Variants in NBEAL1 observed in about 807,000 individuals in gnomAD.
The protein encoded by NBEAL1 is neurobeachin like 1.
A neutral mutation model predicts 351.3 loss-of-function variants in NBEAL1; 273 were observed. The ratio of observed to expected loss-of-function variants is 0.78; its 90% CI spans 0.70 to 0.86. The LOEUF (loss-of-function observed/expected upper bound fraction) is 0.86, where lower values mean the gene tolerates loss of function less well. Ranked by LOEUF, NBEAL1 falls within the 40% of genes least tolerant of loss-of-function variation. The pLI, the probability that NBEAL1 is intolerant of heterozygous loss-of-function variation, is 0.00. For missense variants in NBEAL1, 2,961 were observed against 3,201.3 expected, an observed-to-expected ratio of 0.92 and a Z score of 1.81; for synonymous variants, 1,050 against 1,086.4, an observed-to-expected ratio of 0.97 and a Z score of 0.66.
At chr2:203,069,680 C>T (rs768275574) in intron 7 of NBEAL1, among the ~76,000 whole-genome samples, 16 of 152,116 alleles carry the variant, frequency 1.1e-4, no homozygotes, top group South Asian at 2.1e-4. Context: ...GAGAGAGATG[C>T]GGTCTCATTC....
intron 47 of NBEAL1, among the ~76,000 whole-genome samples, chr2:203,195,704 G>A (rs146203283): frequency 1.4e-3 from 218 of 152,320 alleles, no homozygotes; most frequent in Non-Finnish European, 2.4e-3. Context: ...ACCTCTCCTA[G>A]TGGAGTCACA....
At position 203,217,465 on chromosome 2, in the gene NBEAL1, C is replaced by G. The variant is rs2065909408; in HGVS notation, c.*111C>G. The G allele has an allele frequency of 3.8e-6, 5 of 1,330,780 alleles. No homozygotes were observed. Among genetic ancestry groups the G allele is most frequent in the Non-Finnish European group, 1.9e-6 (2 of 1,036,128 alleles). The allele number at this position is 1,330,780 out of a possible 1,614,324, so 82.4% of individuals were successfully genotyped here. On this transcript the variant is annotated 3_prime_UTR_variant, in exon 56 of 56. Coordinates refer to ENST00000683969, the MANE Select transcript of NBEAL1 (RefSeq NM_001378026.1). ...TTGCAAGGCTTTTATCCCTGAAAAT[C>G]ATTTACAGATAACCACAATTTGCTG... is the stretch of plus-strand genomic sequence containing the variant.
At chr2:203,128,967 T>G (rs1268754063) in intron 24 of NBEAL1, among the ~76,000 whole-genome samples, 3 of 152,176 alleles carry the variant, frequency 2.0e-5, no homozygotes, top group African/African-American at 7.2e-5. Flanking sequence ...GTGTGTCTAG[T>G]TTTACTTACA....
Position 203,084,583 on chromosome 2 carries a change from ATTG to A in NBEAL1, c.1098+22_1098+24del, listed in dbSNP as rs1454702695. 2 of 1,384,302 alleles carry A rather than the reference ATTG, an allele frequency of 1.4e-6. No homozygotes were observed. Among genetic ancestry groups the A allele is most frequent in the Non-Finnish European group, 9.7e-7 (1 of 1,028,454 alleles). 85.8% of individuals were successfully genotyped at this position (1,384,302 alleles called of 1,614,324 possible). ...CAGAACTGCAAGGTATTTTTCTATT[ATTG>A]TTGTTGTCTTTGATTTTAAGAAGCT... On this transcript the variant is annotated intron_variant, in intron 10 of 55. Coordinates refer to ENST00000683969, the MANE Select transcript of NBEAL1 (RefSeq NM_001378026.1).
intron 18 of NBEAL1, among the ~76,000 whole-genome samples, chr2:203,121,426 G>A (rs1438539518): frequency 1.3e-5 from 2 of 152,130 alleles, no homozygotes; most frequent in Non-Finnish European, 2.9e-5. Context: ...GCCGAGGTGG[G>A]TGGATCCCTT....
intron 2 of NBEAL1, among the ~76,000 whole-genome samples, chr2:203,020,484 A>G (rs1033285714): frequency 2.0e-5 from 3 of 152,136 alleles, no homozygotes; most frequent in Non-Finnish European, 4.4e-5. Context: ...CAGCTTGGCC[A>G]GCATGGTGAG....
intron 3 of NBEAL1, among the ~76,000 whole-genome samples, chr2:203,046,263 G>A (rs762628762): frequency 1.3e-5 from 2 of 151,682 alleles, no homozygotes; most frequent in East Asian, 1.9e-4. Context: ...TTGCCCAGGC[G>A]GGAGTGCAGT....
chr2:203,067,705 G>A (rs573409942), intron 6 of NBEAL1, among the ~76,000 whole-genome samples: 38 of 152,100 alleles, frequency 2.5e-4, no homozygotes, highest in African/African-American at 8.9e-4. Context: ...AAATATCTGT[G>A]ATTTTAAAAA....
In NBEAL1 at chr2:203,126,891, G is replaced by A. The variant is rs529733950; in HGVS notation, c.3213G>A (p.Val1071=). The change falls in exon 23 of 56, where the codon GTG becomes GTA. Residue 1071 remains valine, a synonymous_variant. Transcript: ENST00000683969. The stretch of plus-strand genomic sequence containing the variant: ...GAGTTTTCCGAAAGAAGTATGGTGT[G>A]CAGTTTCTCCTAGATACACTTAGGA... ...SRRVFRKKYG[V]QFLLDTLRIY... 63 of 1,552,440 alleles carry A rather than the reference G, an allele frequency of 4.1e-5. No homozygotes were observed. The South Asian group carries it at 7.0e-4, about 17-fold the overall frequency.
chr2:203,207,849 C>G (rs571868181), intron 51 of NBEAL1, among the ~76,000 whole-genome samples: 16 of 152,010 alleles, frequency 1.1e-4, no homozygotes, highest in Admixed American at 9.8e-4. Context: ...AATTAGTGGC[C>G]TGGAAAAAAA....
intron 8 of NBEAL1, among the ~76,000 whole-genome samples, chr2:203,078,960 G>A (rs1300951138): frequency 6.6e-6 from 1 of 152,196 alleles, no homozygotes; most frequent in African/African-American, 2.4e-5. Context: ...AGAAACTAAT[G>A]TAACTTCCAA....
chr2:203,092,147 T>C (rs977076289), intron 10 of NBEAL1, among the ~76,000 whole-genome samples: 4 of 152,150 alleles, frequency 2.6e-5, no homozygotes, highest in African/African-American at 9.7e-5. Flanking sequence ...TTGTAACTCA[T>C]TGGAAAATAT....
At chr2:203,171,854 G>A in intron 39 of NBEAL1, 74 bp from the exon 40 acceptor site, 2 of 582,356 alleles carry the variant, frequency 3.4e-6, no homozygotes, top group Non-Finnish European at 5.6e-6. Flanking sequence ...TCTTGGTACT[G>A]TCAGTAATAG....
intron 43 of NBEAL1, chr2:203,180,933 AT>A (rs10671968): frequency 0.025 from 1,530 of 61,688 alleles, 34 homozygotes; most frequent in African/African-American, 0.075. Context: ...CAGCCAGTCA[AT>A]TTTTTTTTTT....
chr2:203,014,618 C>T (rs1000657250), upstream of NBEAL1: 2 of 152,298 alleles, frequency 1.3e-5, no homozygotes, highest in Admixed American at 1.3e-4. Flanking sequence ...AGCCCTCCTC[C>T]ATGTCCAGCT....
At chr2:203,051,340 T>C (rs1301838633) in intron 4 of NBEAL1, among the ~76,000 whole-genome samples, 1 of 152,012 alleles carries the variant, frequency 6.6e-6, no homozygotes, top group Non-Finnish European at 1.5e-5. Context: ...GTCAGGAGTT[T>C]GAGACCAGCT....
At chr2:203,053,635 C>A (rs192719807) in intron 4 of NBEAL1, among the ~76,000 whole-genome samples, 14 of 152,066 alleles carry the variant, frequency 9.2e-5, no homozygotes, top group East Asian at 5.8e-4. Flanking sequence ...CAGTTCCCCC[C>A]ACCCCAAGTA....
Position 203,217,863 on chromosome 2 carries a change from G to A in NBEAL1, c.*509G>A. 1.0e-6 allele frequency: 1 copy of A among 985,148 alleles called. No individual in the cohort carries two copies. Among genetic ancestry groups the A allele is most frequent in the Non-Finnish European group, 1.2e-6 (1 of 829,742 alleles). 61.0% of individuals were successfully genotyped at this position (985,148 alleles called of 1,614,324 possible). A position where few individuals can be genotyped will look rare whatever the true frequency, so the allele number is the denominator to read the frequency against. On this transcript the variant is annotated 3_prime_UTR_variant, in exon 56 of 56. Transcript: ENST00000683969. ...TCGGTGAAAGTTACAAGTTTGCATG[G>A]TAAGAATAAAATAAGAATATTGAAA... is the stretch of plus-strand genomic sequence containing the variant.
chr2:203,028,286 G>A (rs763587118), intron 2 of NBEAL1, among the ~76,000 whole-genome samples: 2 of 151,822 alleles, frequency 1.3e-5, no homozygotes, highest in Non-Finnish European at 2.9e-5. Context: ...CAAAATGGTG[G>A]AATTATAGGT....
Sources: gnomAD v4.1 joint callset for allele counts (sites outside exome capture counted in the v4.1 genomes callset) on GRCh38, gnomAD v4.1.1 for gene constraint, MANE v1.5 for transcripts, NCBI Gene and HGNC (gene_info 2026-07-23, HGNC 2026-07-21) for gene names.